The following RAB38 variants were observed in gnomAD, a reference collection of about 807,000 sequenced individuals.
The protein encoded by RAB38 is ras-related protein Rab-38.
RAB38 carries 15 observed loss-of-function variants against 18.4 expected under a neutral mutation model. The ratio of observed to expected loss-of-function variants is 0.82; its 90% CI spans 0.55 to 1.26. The LOEUF (loss-of-function observed/expected upper bound fraction) is 1.26. Ranked by LOEUF, RAB38 falls within the 50% of genes most tolerant of loss-of-function variation. The pLI, the probability that RAB38 is intolerant of heterozygous loss-of-function variation, is 0.00. For missense variants in RAB38, 294 were observed against 267.4 expected (o/e 1.10, Z -0.69); for synonymous variants, 101 against 104.4 (o/e 0.97, Z 0.20).
chr11:88,006,014 AAT>A, the RAB38 span, among the ~76,000 whole-genome samples: 1 of 151,566 alleles, frequency 6.6e-6, no homozygotes, highest in Non-Finnish European at 1.5e-5. Flanking sequence ...AGAATAGAAG[AAT>A]ATATTTGCAA....
the RAB38 span, among the ~76,000 whole-genome samples, chr11:88,047,052 C>A: frequency 3.9e-5 from 6 of 152,128 alleles, no homozygotes; most frequent in African/African-American, 1.4e-4. Context: ...CAGCCGCTGC[C>A]GCCCTAATAC....
At chr11:87,969,302 C>T in the RAB38 span, among the ~76,000 whole-genome samples, 2 of 151,922 alleles carry the variant, frequency 1.3e-5, no homozygotes, top group Non-Finnish European at 2.9e-5. Flanking sequence ...CACACATATC[C>T]CCCCCCAATA....
At chr11:87,856,418 T>C in the RAB38 span, among the ~76,000 whole-genome samples, 3 of 152,180 alleles carry the variant, frequency 2.0e-5, no homozygotes, top group African/African-American at 4.8e-5. Flanking sequence ...CTAACGCACA[T>C]TGGATTGTGA....
chr11:88,050,778 T>C, the RAB38 span, among the ~76,000 whole-genome samples: 1 of 152,236 alleles, frequency 6.6e-6, no homozygotes, highest in Admixed American at 6.5e-5. Flanking sequence ...AGAGTATAGC[T>C]GCAAAACCTG....
At chr11:88,072,588 G>A in the RAB38 span, among the ~76,000 whole-genome samples, 15 of 152,176 alleles carry the variant, frequency 9.9e-5, no homozygotes, top group South Asian at 2.1e-4. Flanking sequence ...GAATCTCTGA[G>A]AGCCCCAAGC....
the RAB38 span, among the ~76,000 whole-genome samples, chr11:87,808,496 T>C: frequency 6.6e-6 from 1 of 152,246 alleles, no homozygotes; most frequent in East Asian, 1.9e-4. Flanking sequence ...AAAATGTTGA[T>C]CTCATAGAAG....
intron 2 of RAB38, among the ~76,000 whole-genome samples, chr11:88,138,274 T>C (rs1278841308): frequency 6.6e-6 from 1 of 152,198 alleles, no homozygotes; most frequent in East Asian, 1.9e-4. Context: ...CATTAAGGAA[T>C]ATTCATTGAA....
the RAB38 span, among the ~76,000 whole-genome samples, chr11:87,813,012 A>G: frequency 0.72 from 109,598 of 152,082 alleles, 40,400 homozygotes; most frequent in East Asian, 0.93. Context: ...TGTTTTTATC[A>G]AGAAAGATCC....
the RAB38 span, among the ~76,000 whole-genome samples, chr11:87,947,355 G>A: frequency 6.9e-6 from 1 of 145,832 alleles, no homozygotes; most frequent in African/African-American, 2.6e-5. Flanking sequence ...TCACTCTGAT[G>A]GTAGTTTCTT....
the RAB38 span, among the ~76,000 whole-genome samples, chr11:87,858,150 G>A: frequency 6.6e-6 from 1 of 152,012 alleles, no homozygotes; most frequent in African/African-American, 2.4e-5. Flanking sequence ...TTTTTGTCAG[G>A]TTTGTCAAAG....
chr11:88,104,352 A>G, the RAB38 span, among the ~76,000 whole-genome samples: 1 of 152,072 alleles, frequency 6.6e-6, no homozygotes, highest in African/African-American at 2.4e-5. Flanking sequence ...TGATGTTTAC[A>G]CAAAATAAAT....
the RAB38 span, among the ~76,000 whole-genome samples, chr11:88,025,233 A>G: frequency 6.6e-6 from 1 of 150,806 alleles, no homozygotes; most frequent in Admixed American, 6.6e-5. Flanking sequence ...ACTTATGTAT[A>G]TAACTATATA....
At chr11:88,027,842 A>T in the RAB38 span, among the ~76,000 whole-genome samples, 1 of 152,198 alleles carries the variant, frequency 6.6e-6, no homozygotes, top group Non-Finnish European at 1.5e-5. Context: ...TGCAGACTTA[A>T]ATGTCCCTGT....
At chr11:87,887,043 C>G in the RAB38 span, among the ~76,000 whole-genome samples, 2 of 151,830 alleles carry the variant, frequency 1.3e-5, no homozygotes, top group East Asian at 2.0e-4. Context: ...GAAAACAACT[C>G]TCTTCCCATG....
At chr11:88,021,477 T>A in the RAB38 span, among the ~76,000 whole-genome samples, 3 of 152,058 alleles carry the variant, frequency 2.0e-5, no homozygotes, top group African/African-American at 7.2e-5. Flanking sequence ...CCAGGACCCA[T>A]TGGCTTCACT....
At chr11:88,078,736 G>C in the RAB38 span, among the ~76,000 whole-genome samples, 1 of 151,816 alleles carries the variant, frequency 6.6e-6, no homozygotes, top group Non-Finnish European at 1.5e-5. Flanking sequence ...GTAGGGGGAA[G>C]ACAGTTATGA....
chr11:87,946,484 C>A, the RAB38 span, among the ~76,000 whole-genome samples: 1 of 152,088 alleles, frequency 6.6e-6, no homozygotes, highest in East Asian at 1.9e-4. Context: ...TGGTGTGCTG[C>A]ACCCATTAAC....
chr11:88,035,486 A>G, the RAB38 span, among the ~76,000 whole-genome samples: 1 of 152,154 alleles, frequency 6.6e-6, no homozygotes, highest in Non-Finnish European at 1.5e-5. Flanking sequence ...TCACACAATC[A>G]CAAGGCGAGG....
At chr11:88,037,084 T>G in the RAB38 span, among the ~76,000 whole-genome samples, 1 of 152,080 alleles carries the variant, frequency 6.6e-6, no homozygotes, top group Admixed American at 6.6e-5. Flanking sequence ...ATTTCCTACA[T>G]AATCATCTAG....
Sources: gnomAD v4.1 joint callset for allele counts (sites outside exome capture counted in the v4.1 genomes callset) on GRCh38, gnomAD v4.1.1 for gene constraint, MANE v1.5 for transcripts, NCBI Gene and HGNC (gene_info 2026-07-23, HGNC 2026-07-21) for gene names.